TSHZ2: variants seen among roughly 807,000 people sequenced by gnomAD.
TSHZ2 encodes the protein teashirt homolog 2.
TSHZ2 carries 21 observed loss-of-function variants against 74.4 expected under a neutral mutation model. That is an observed-to-expected ratio of 0.28 (90% CI 0.20 to 0.41). The LOEUF is 0.41. TSHZ2 is among the 10% of genes least tolerant of loss of function. The pLI is 1.00. For missense variants in TSHZ2, 1,244 were observed against 1,293.5 expected (o/e 0.96, Z 0.59); for synonymous variants, 540 against 515.3 (o/e 1.05, Z -0.65).
chr20:53,050,113 A>ACACATATATATATACGTATATATATGTG (rs1984382302), intron 1 of TSHZ2, among the ~76,000 whole-genome samples: 1 of 97,980 alleles, frequency 1.0e-5, no homozygotes, highest in South Asian at 3.3e-4. Flanking sequence ...GTATATATAT[A>ACACATATATATATACGTATATATATGTG]TATATATATA....
intron 1 of TSHZ2, among the ~76,000 whole-genome samples, chr20:53,064,641 A>C (rs1204197351): frequency 6.6e-6 from 1 of 151,210 alleles, no homozygotes; most frequent in African/African-American, 2.4e-5. Flanking sequence ...AGCATCTCTA[A>C]AAAATAAATA....
At chr20:53,362,564 T>C (rs925047145) in intron 2 of TSHZ2, among the ~76,000 whole-genome samples, 2 of 152,196 alleles carry the variant, frequency 1.3e-5, no homozygotes, top group East Asian at 1.9e-4. Flanking sequence ...TCGTTCTAAC[T>C]GTACAGAAAC....
intron 1 of TSHZ2, among the ~76,000 whole-genome samples, chr20:53,072,346 A>G (rs552208766): frequency 6.6e-6 from 1 of 152,322 alleles, no homozygotes; most frequent in South Asian, 2.1e-4. Flanking sequence ...TATACCACAA[A>G]ATCATAATAA....
rs951089870 is a variant in TSHZ2, at chr20:53,419,665, C to T, written c.*9-67479C>T. Among the ~76,000 whole-genome samples, 6 of 152,190 alleles carry T rather than the reference C, an allele frequency of 3.9e-5. No individual in the cohort carries two copies. The South Asian group carries it at 6.2e-4, about 16-fold the overall frequency. On this transcript the variant is annotated intron_variant, in intron 2 of 2. Coordinates refer to ENST00000371497, the MANE Select transcript of TSHZ2 (RefSeq NM_173485.6). ...TCTTAACCACAGGCCCCTTCCACAGCGGGCAGTCAATAACAAATAGTCTTC... is the reference window on the plus strand; with the variant it reads ...TCTTAACCACAGGCCCCTTCCACAGTGGGCAGTCAATAACAAATAGTCTTC...
chr20:53,129,733 C>G (rs1987049946), intron 1 of TSHZ2, among the ~76,000 whole-genome samples: 1 of 152,120 alleles, frequency 6.6e-6, no homozygotes, highest in Non-Finnish European at 1.5e-5. Context: ...GGCTGTCAGT[C>G]TACGCAGAGT....
intron 1 of TSHZ2, among the ~76,000 whole-genome samples, chr20:53,090,147 A>G (rs1191802444): frequency 2.6e-5 from 4 of 152,240 alleles, no homozygotes; most frequent in Non-Finnish European, 4.4e-5. Flanking sequence ...CATCCAGCAC[A>G]GGAGAAAGAT....
intron 1 of TSHZ2, among the ~76,000 whole-genome samples, chr20:53,175,111 TCTC>T (rs1040171791): frequency 1.3e-5 from 2 of 149,350 alleles, no homozygotes; most frequent in African/African-American, 4.9e-5. Context: ...TTCTTCTCCT[TCTC>T]CTCCTTCTTC....
chr20:53,267,481 T>C lies in TSHZ2; in HGVS notation c.*8+10910T>C, dbSNP rs74352951. ...AATAATCTCACAGGATGGGTGATAGTCATCCATTTTACATAAGAGGAAACT... is the reference window on the plus strand; with the variant it reads ...AATAATCTCACAGGATGGGTGATAGCCATCCATTTTACATAAGAGGAAACT... On this transcript the variant is annotated intron_variant, in intron 2 of 2. Transcript: ENST00000371497. Among the ~76,000 whole-genome samples, 500 of 152,328 alleles carry C rather than the reference T, an allele frequency of 3.3e-3. 6 individuals carry two copies. Among genetic ancestry groups the C allele is most frequent in the African/African-American group, 0.012 (481 of 41,578 alleles).
chr20:53,386,881 C>CTT lies in TSHZ2; in HGVS notation c.*9-100253_*9-100252dup, dbSNP rs11394393. ...TTATGTTAACTCTGCCTCACCTAGC[C>CTT]TTTTTTTTTTTAAATGAAATGCTCT... On this transcript the variant is annotated intron_variant, in intron 2 of 2. Coordinates refer to ENST00000371497, the MANE Select transcript of TSHZ2 (RefSeq NM_173485.6). Among the ~76,000 whole-genome samples, 293 of 148,800 alleles carry CTT rather than the reference C, an allele frequency of 2.0e-3. 2 individuals carry two copies. Among genetic ancestry groups the CTT allele is most frequent in the South Asian group, 8.9e-3 (42 of 4,744 alleles).
At chr20:53,152,505 C>G (rs950648772) in intron 1 of TSHZ2, among the ~76,000 whole-genome samples, 1 of 152,188 alleles carries the variant, frequency 6.6e-6, no homozygotes, top group Non-Finnish European at 1.5e-5. Context: ...GGCTGTTGCT[C>G]TACTGGTTGT....
At chr20:53,306,948 C>T (rs566846145) in intron 2 of TSHZ2, among the ~76,000 whole-genome samples, 4 of 152,312 alleles carry the variant, frequency 2.6e-5, no homozygotes, top group Admixed American at 2.0e-4. Context: ...AGTTTATCCT[C>T]ACAGGAATTC....
chr20:53,181,637 C>A (rs987796318), intron 1 of TSHZ2, among the ~76,000 whole-genome samples: 1 of 152,114 alleles, frequency 6.6e-6, no homozygotes, highest in Non-Finnish European at 1.5e-5. Context: ...ACCTCTGATC[C>A]CAGCACTTTG....
intron 2 of TSHZ2, among the ~76,000 whole-genome samples, chr20:53,349,446 G>A (rs1454662323): frequency 3.3e-5 from 5 of 152,190 alleles, no homozygotes; most frequent in African/African-American, 1.2e-4. Flanking sequence ...GAGTCCTGGA[G>A]TTCTAGACCA....
At chr20:53,214,866 C>T (rs1050968152) in intron 1 of TSHZ2, among the ~76,000 whole-genome samples, 8 of 151,976 alleles carry the variant, frequency 5.3e-5, no homozygotes, top group South Asian at 2.1e-4. Context: ...AGAAGGAGCC[C>T]GTAAACCTGA....
intron 1 of TSHZ2, among the ~76,000 whole-genome samples, chr20:53,094,823 C>A (rs1812863922): frequency 6.6e-6 from 1 of 152,184 alleles, no homozygotes; most frequent in African/African-American, 2.4e-5. Flanking sequence ...TATGAATAGC[C>A]AGTGGCTGTT....
intron 2 of TSHZ2, among the ~76,000 whole-genome samples, chr20:53,459,782 G>C (rs1266351505): frequency 3.5e-5 from 5 of 144,284 alleles, no homozygotes; most frequent in Admixed American, 2.8e-4. Context: ...GCATTTGCTT[G>C]TCTGTAAAGT....
At chr20:53,291,270 G>A (rs996303703) in intron 2 of TSHZ2, among the ~76,000 whole-genome samples, 3 of 152,032 alleles carry the variant, frequency 2.0e-5, no homozygotes, top group Non-Finnish European at 2.9e-5. Flanking sequence ...TCAGGAGTTC[G>A]AGACCAGCCC....
chr20:53,054,872 A>G (rs1984587369), intron 1 of TSHZ2, among the ~76,000 whole-genome samples: 1 of 152,158 alleles, frequency 6.6e-6, no homozygotes, highest in South Asian at 2.1e-4. Flanking sequence ...GATAGACACT[A>G]TGGCAAAGTG....
At chr20:53,407,064 G>GTAA (rs1471469932) in intron 2 of TSHZ2, among the ~76,000 whole-genome samples, 2 of 152,152 alleles carry the variant, frequency 1.3e-5, no homozygotes, top group African/African-American at 4.8e-5. Context: ...AGCAGTGGGG[G>GTAA]TAACATCATG....
Sources: gnomAD v4.1 joint callset for allele counts (sites outside exome capture counted in the v4.1 genomes callset) on GRCh38, gnomAD v4.1.1 for gene constraint, MANE v1.5 for transcripts, NCBI Gene and HGNC (gene_info 2026-07-23, HGNC 2026-07-21) for gene names.